Variants in TTC6 observed in about 807,000 individuals in gnomAD.
TTC6 encodes the protein tetratricopeptide repeat protein 6.
Under a neutral mutation model 210.4 loss-of-function variants are expected in TTC6, and 172 were observed. The ratio of observed to expected loss-of-function variants is 0.82; its 90% confidence interval spans 0.72 to 0.93. The LOEUF is 0.93. Ranked by LOEUF, TTC6 falls within the 40% of genes least tolerant of loss-of-function variation. The pLI, the probability that TTC6 is intolerant of heterozygous loss-of-function variation, is 0.00. For synonymous variants in TTC6, 804 were observed against 819.6 expected (o/e 0.98, Z 0.32); for missense variants, 2,414 against 2,318.1 (o/e 1.04, Z -0.85).
chr14:37,709,385 A>C (rs551785811), intron 5 of TTC6, among the ~76,000 whole-genome samples: 1 of 152,228 alleles, frequency 6.6e-6, no homozygotes, highest in South Asian at 2.1e-4. Flanking sequence ...ACCTCATTTT[A>C]AATTTCTGTT....
chr14:37,661,794 T>TATCC (rs2095737931), intron 1 of TTC6, among the ~76,000 whole-genome samples: 1 of 151,766 alleles, frequency 6.6e-6, no homozygotes, highest in Admixed American at 6.6e-5. Flanking sequence ...TGATTCTTCT[T>TATCC]ATGAGCATGG....
At chr14:37,697,017 G>A (rs575381836) in intron 4 of TTC6, among the ~76,000 whole-genome samples, 182 bp downstream of exon 6, 3 of 152,102 alleles carry the variant, frequency 2.0e-5, no homozygotes, top group South Asian at 2.1e-4. Context: ...TATACTTTAT[G>A]CTTTTTTCTT....
At chr14:37,760,312 C>T (rs934126918) in intron 14 of TTC6, among the ~76,000 whole-genome samples, 1 of 152,150 alleles carries the variant, frequency 6.6e-6, no homozygotes, top group Non-Finnish European at 1.5e-5. Flanking sequence ...ACCTGTTTGC[C>T]TGGGTATCAC....
intron 25 of TTC6, among the ~76,000 whole-genome samples, chr14:37,814,812 C>T (rs1595304116): frequency 6.6e-6 from 1 of 152,034 alleles, no homozygotes; most frequent in South Asian, 2.1e-4. Flanking sequence ...ATATATAAGA[C>T]TGAGTAATTA....
upstream of TTC6, among the ~76,000 whole-genome samples, chr14:37,621,830 G>C (rs2095651555): frequency 6.6e-6 from 1 of 151,800 alleles, no homozygotes; most frequent in Non-Finnish European, 1.5e-5. Context: ...AGCCTCCACC[G>C]AAAAAAATGA....
intron 1 of TTC6, among the ~76,000 whole-genome samples, chr14:37,602,401 C>T (rs1013094191): frequency 7.2e-5 from 11 of 152,254 alleles, no homozygotes; most frequent in Non-Finnish European, 1.3e-4. Flanking sequence ...ATCTCAGAAC[C>T]TGCAGTGTTG....
chr14:37,696,789 C>G, exon 4 of TTC6: 1 of 1,435,854 alleles, frequency 7.0e-7, no homozygotes, highest in Non-Finnish European at 9.1e-7. Flanking sequence ...ATCACTGAGA[C>G]CAAGAAAGTC....
intron 1 of TTC6, among the ~76,000 whole-genome samples, chr14:37,668,893 T>C (rs1436504370): frequency 6.6e-6 from 1 of 152,186 alleles, no homozygotes; most frequent in Non-Finnish European, 1.5e-5. Context: ...TATTATTGCT[T>C]AAAGACTGTC....
intron 7 of TTC6, among the ~76,000 whole-genome samples, chr14:37,733,622 CCTA>C (rs1350301681): frequency 1.3e-5 from 2 of 152,168 alleles, no homozygotes; most frequent in African/African-American, 2.4e-5. Flanking sequence ...TTCTGCTTCT[CCTA>C]AACCTGGCTG....
At chr14:37,782,540 G>T (rs1305984381) in intron 14 of TTC6, among the ~76,000 whole-genome samples, 1 of 151,622 alleles carries the variant, frequency 6.6e-6, no homozygotes, top group African/African-American at 2.4e-5. Context: ...GAGACGATGG[G>T]GTTTTCTGAA....
At chr14:37,780,139 T>C (rs765426149) in intron 14 of TTC6, among the ~76,000 whole-genome samples, 4 of 152,224 alleles carry the variant, frequency 2.6e-5, no homozygotes, top group African/African-American at 4.8e-5. Flanking sequence ...AACATATATA[T>C]GCTCAAAATT....
At chr14:37,666,570 G>A (rs1475477228) in intron 1 of TTC6, among the ~76,000 whole-genome samples, 1 of 150,434 alleles carries the variant, frequency 6.6e-6, no homozygotes, top group Non-Finnish European at 1.5e-5. Context: ...CCACCGAGGA[G>A]ATTTCTTGCT....
intron 20 of TTC6, among the ~76,000 whole-genome samples, chr14:37,803,146 T>C (rs1316758872): frequency 2.6e-5 from 4 of 152,172 alleles, no homozygotes; most frequent in Non-Finnish European, 5.9e-5. Context: ...ACTGCTTTTT[T>C]ATATTTGCTT....
intron 14 of TTC6, among the ~76,000 whole-genome samples, chr14:37,758,173 A>C (rs545201442): frequency 2.0e-4 from 30 of 152,130 alleles, no homozygotes; most frequent in Non-Finnish European, 4.0e-4. Context: ...TGGTGTGGAG[A>C]GTTCTGTAGG....
exon 2 of TTC6, chr14:37,680,225 G>A (rs1314820062): frequency 1.3e-6 from 2 of 1,533,998 alleles, no homozygotes; most frequent in East Asian, 2.4e-5. Context: ...TACAAGCAGA[G>A]TATAAATTCC....
chr14:37,789,595 C>CTT (rs1412069892), intron 15 of TTC6, among the ~76,000 whole-genome samples: 9 of 17,838 alleles, frequency 5.0e-4, no homozygotes, highest in Admixed American at 4.1e-3. Flanking sequence ...TTGGTTTCCT[C>CTT]TTATATATAT....
chr14:37,789,596 TTATA>T lies in TTC6; in HGVS notation c.3437-1103_3437-1100del, dbSNP rs1283814571. Among the ~76,000 whole-genome samples, 58 of 134,492 alleles carry T rather than the reference TTATA, an allele frequency of 4.3e-4. 1 individual carries two copies. Among genetic ancestry groups the T allele is most frequent in the East Asian group, 4.7e-4 (2 of 4,224 alleles). 88.2% of individuals were successfully genotyped at this position (134,492 alleles called of 152,430 possible). On this transcript the variant is annotated intron_variant, in intron 15 of 30. Coordinates refer to ENST00000553443, the Ensembl canonical transcript of TTC6. ...TGGTGTTGGGACATTTGGTTTCCTC[TTATA>T]TATATATATATATATATTGTATATA...
At chr14:37,692,535 A>G (rs1437788208) in intron 3 of TTC6, among the ~76,000 whole-genome samples, 1 of 152,120 alleles carries the variant, frequency 6.6e-6, no homozygotes. Context: ...AACTGGGTAT[A>G]GAAGGAACAT....
At chr14:37,633,189 G>A (rs915475771) in intron 1 of TTC6, among the ~76,000 whole-genome samples, 1 of 152,174 alleles carries the variant, frequency 6.6e-6, no homozygotes, top group Non-Finnish European at 1.5e-5. Context: ...AACTCCTGAA[G>A]CTAGCTTGAT....
Sources: gnomAD v4.1 joint callset for allele counts (sites outside exome capture counted in the v4.1 genomes callset) on GRCh38, gnomAD v4.1.1 for gene constraint, MANE v1.5 for transcripts, NCBI Gene and HGNC (gene_info 2026-07-23, HGNC 2026-07-21) for gene names.